DENND1A: variants seen among roughly 807,000 people sequenced by gnomAD.
DENND1A encodes DENN domain containing 1A, also known as DENN domain-containing protein 1A.
In DENND1A, 51 loss-of-function variants were observed where a neutral mutation model predicts 113.7. That is an observed-to-expected ratio of 0.45 (90% CI 0.36 to 0.57). The LOEUF (loss-of-function observed/expected upper bound fraction) is 0.57, where lower values mean the gene tolerates loss of function less well. Among genes scored for constraint, DENND1A ranks in the 20% least tolerant of loss-of-function variants. The pLI, the probability that DENND1A is intolerant of heterozygous loss-of-function variation, is 0.00. For synonymous variants in DENND1A, 565 were observed against 570.8 expected, an observed-to-expected ratio of 0.99 and a Z score of 0.14; for missense variants, 1,258 against 1,395.9, an observed-to-expected ratio of 0.90 and a Z score of 1.57.
chr9:123,866,662 C>T lies in DENND1A; in HGVS notation c.88+12289G>A, dbSNP rs150800016. ...TTTTATGTTTTTAATTTAAGGGTGA[C>T]GTTAAATTACATCACCACAAGAATG... On this transcript the variant is annotated intron_variant, in intron 2 of 23. Transcript: ENST00000394215. Among the ~76,000 whole-genome samples, 9 of 152,258 alleles carry T rather than the reference C, an allele frequency of 5.9e-5. No homozygotes were observed. In the East Asian group the frequency reaches 1.3e-3, roughly 23 times the overall value.
chr9:123,609,292 C>T (rs1225573954), intron 11 of DENND1A, 144 bp downstream of exon 11: 75 of 734,388 alleles, frequency 1.0e-4, no homozygotes, highest in Non-Finnish European at 5.7e-5. Flanking sequence ...CCAAACCGAA[C>T]GCTCAGCTCT....
intron 5 of DENND1A, among the ~76,000 whole-genome samples, chr9:123,712,382 C>T (rs2066691600): frequency 6.6e-6 from 1 of 152,198 alleles, no homozygotes; most frequent in African/African-American, 2.4e-5. Flanking sequence ...GCTCTGGAAC[C>T]AGATCACCAG....
At chr9:123,853,008 GC>G (rs1287474359) in intron 2 of DENND1A, among the ~76,000 whole-genome samples, 1 of 151,076 alleles carries the variant, frequency 6.6e-6, no homozygotes, top group Non-Finnish European at 1.5e-5. Context: ...AACCTCCACC[GC>G]CTGGGTTAAA....
At chr9:123,847,323 CA>C (rs573133488) in intron 2 of DENND1A, among the ~76,000 whole-genome samples, 37 of 144,384 alleles carry the variant, frequency 2.6e-4, no homozygotes, top group Admixed American at 1.3e-3. Flanking sequence ...ATCAAAGCTC[CA>C]AAAAAAAAAG....
chr9:123,755,066 C>T (rs188310111), intron 5 of DENND1A, among the ~76,000 whole-genome samples: 11 of 151,978 alleles, frequency 7.2e-5, no homozygotes, highest in Admixed American at 7.2e-4. Flanking sequence ...CAAATGAATA[C>T]ATAGTTCACC....
chr9:123,570,983 A>T (rs968507586), intron 12 of DENND1A, among the ~76,000 whole-genome samples: 2 of 152,210 alleles, frequency 1.3e-5, no homozygotes, highest in African/African-American at 4.8e-5. Context: ...CAAAATCCAT[A>T]GCTAGGGAAC....
At chr9:123,478,726 G>C (rs1270707537) in intron 13 of DENND1A, among the ~76,000 whole-genome samples, 7 of 152,204 alleles carry the variant, frequency 4.6e-5, no homozygotes, top group Admixed American at 1.3e-4. Context: ...AACCTAGATG[G>C]TAGGTATGCA....
chr9:123,414,308 T>G (rs887933315), intron 19 of DENND1A: 1 of 1,396,550 alleles, frequency 7.2e-7, no homozygotes, highest in African/African-American at 1.4e-5. Flanking sequence ...CAACAGACAT[T>G]AGCAACCATT....
At chr9:123,532,915 A>G (rs1457243057) in intron 13 of DENND1A, among the ~76,000 whole-genome samples, 1 of 152,250 alleles carries the variant, frequency 6.6e-6, no homozygotes, top group Non-Finnish European at 1.5e-5. Flanking sequence ...AGAGCTCAGC[A>G]TGAATCAAAG....
chr9:123,872,735 A>G (rs1256838073), intron 2 of DENND1A, among the ~76,000 whole-genome samples: 1 of 152,248 alleles, frequency 6.6e-6, no homozygotes, highest in Admixed American at 6.5e-5. Context: ...CTAAATAACA[A>G]GAAAAATTTG....
rs200611284 is a variant in DENND1A, at chr9:123,473,989, T to TC, written c.994-16093_994-16092insG. Among the ~76,000 whole-genome samples, 13 of 7,010 alleles carry TC rather than the reference T, an allele frequency of 1.9e-3. 1 individual carries two copies. Among genetic ancestry groups the TC allele is most frequent in the Admixed American group, 5.3e-3 (3 of 568 alleles). 4.6% of individuals were successfully genotyped at this position (7,010 alleles called of 152,430 possible). ...TGGGGTAACGTTTACTTTCTTTCTT[T>TC]TTTTTTTTTTTTTTTTTTTTTTTGA... On this transcript the variant is annotated intron_variant, in intron 13 of 23. Coordinates refer to ENST00000394215, the MANE Select transcript of DENND1A (RefSeq NM_001352964.2).
At position 123,382,629 on chromosome 9, in the gene DENND1A, T is replaced by C. The variant is rs1479903856; in HGVS notation, c.2020-4A>G. 2.5e-6 allele frequency: 4 copies of C among 1,613,572 alleles called. No individual in the cohort carries two copies. Among genetic ancestry groups the C allele is most frequent in the Admixed American group, 1.7e-5 (1 of 59,988 alleles). On this transcript the variant is annotated splice_polypyrimidine_tract_variant and splice_region_variant and intron_variant, in intron 23 of 23. Transcript: ENST00000394215. The stretch of plus-strand genomic sequence containing the variant: ...CACTCCCGCCCAGATCCAGCCTCTG[T>C]TGGGAGGGAAGGAGGGCGGCAGTGA...
intron 2 of DENND1A, among the ~76,000 whole-genome samples, chr9:123,802,199 C>T (rs13299787): frequency 1.3e-5 from 2 of 152,114 alleles, no homozygotes; most frequent in African/African-American, 4.8e-5. Flanking sequence ...TTACTGCAAC[C>T]GAATGCTCAC....
intron 13 of DENND1A, among the ~76,000 whole-genome samples, chr9:123,534,231 A>C (rs930713247): frequency 6.6e-6 from 1 of 152,124 alleles, no homozygotes; most frequent in African/African-American, 2.4e-5. Context: ...GACCCTACTA[A>C]GACTTTTTCT....
chr9:123,883,868 CAA>C (rs75076282), intron 1 of DENND1A, among the ~76,000 whole-genome samples: 6,428 of 93,858 alleles, frequency 0.068, 183 homozygotes, highest in African/African-American at 0.11. Context: ...ATGACAGTCT[CAA>C]AAAAAAAAAA....
At chr9:123,700,231 C>T (rs748743774) in intron 5 of DENND1A, among the ~76,000 whole-genome samples, 6 of 152,082 alleles carry the variant, frequency 3.9e-5, no homozygotes, top group Non-Finnish European at 7.3e-5. Context: ...AAGTTCTTTG[C>T]CACAAAAATC....
chr9:123,598,361 G>C (rs2059790540), intron 11 of DENND1A, among the ~76,000 whole-genome samples: 1 of 150,656 alleles, frequency 6.6e-6, no homozygotes, highest in African/African-American at 2.4e-5. Context: ...TTACCCAAAA[G>C]TGTCCTTAGA....
At chr9:123,529,476 T>C (rs2055120156) in intron 13 of DENND1A, among the ~76,000 whole-genome samples, 1 of 152,050 alleles carries the variant, frequency 6.6e-6, no homozygotes. Flanking sequence ...TTTAACAACA[T>C]CTGCCCAATA....
At chr9:123,897,704 CACACCTGTAAACTCA>C (rs1185178344) in intron 1 of DENND1A, among the ~76,000 whole-genome samples, 1 of 152,136 alleles carries the variant, frequency 6.6e-6, no homozygotes, top group Non-Finnish European at 1.5e-5. Flanking sequence ...TGCAGTGGCT[CACACCTGTAAACTCA>C]ACACTTTGAG....
Sources: allele counts gnomAD v4.1 joint callset (sites outside exome capture counted in the v4.1 genomes callset), GRCh38; gene constraint gnomAD v4.1.1; transcripts MANE v1.5; gene names NCBI Gene and HGNC (gene_info 2026-07-23, HGNC 2026-07-21).